DPP4: variants seen among roughly 807,000 people sequenced by gnomAD.
DPP4 encodes dipeptidyl peptidase 4.
A neutral mutation model predicts 122.4 loss-of-function variants in DPP4; 93 were observed. That is an observed-to-expected ratio of 0.76 (90% CI 0.64 to 0.90). The LOEUF (loss-of-function observed/expected upper bound fraction) is 0.90. Ranked by LOEUF, DPP4 falls within the 40% of genes least tolerant of loss-of-function variation. The pLI is 0.00. For missense variants in DPP4, 914 were observed against 907.3 expected, an observed-to-expected ratio of 1.01 and a Z score of -0.09; for synonymous variants, 321 against 302.9, an observed-to-expected ratio of 1.06 and a Z score of -0.62.
chr2:162,043,951 C>T (rs577650999), intron 5 of DPP4, among the ~76,000 whole-genome samples: 1 of 152,116 alleles, frequency 6.6e-6, no homozygotes, highest in East Asian at 1.9e-4. Flanking sequence ...TTAGTCAAGC[C>T]CAAAATGTTG....
At chr2:162,043,916 T>G (rs1018167390) in intron 5 of DPP4, among the ~76,000 whole-genome samples, 1 of 152,142 alleles carries the variant, frequency 6.6e-6, no homozygotes, top group African/African-American at 2.4e-5. Context: ...TAGTCTCAGC[T>G]ACTCAGGAGG....
intron 5 of DPP4, among the ~76,000 whole-genome samples, chr2:162,044,827 T>G (rs991647054): frequency 1.3e-4 from 20 of 152,276 alleles, no homozygotes; most frequent in African/African-American, 4.8e-4. Context: ...CTTTACGATC[T>G]GTGGTGAGGC....
intron 2 of DPP4, among the ~76,000 whole-genome samples, chr2:162,048,053 G>GT (rs1458151475): frequency 9.2e-5 from 14 of 152,106 alleles, no homozygotes; most frequent in African/African-American, 3.4e-4. Flanking sequence ...GACTACTGTA[G>GT]TGGATGGCCT....
At chr2:162,009,401 T>A (rs1386861576) in intron 20 of DPP4, 106 bp from the exon 21 acceptor site, 2 of 973,968 alleles carry the variant, frequency 2.1e-6, no homozygotes, top group Non-Finnish European at 3.2e-6. Context: ...CTTCATTCTA[T>A]TAGAGACTAA....
Position 161,993,397 on chromosome 2 carries a change from A to C in DPP4, c.2200-13T>G. 6.3e-7 allele frequency: 1 copy of C among 1,586,566 alleles called. No homozygotes were observed. The highest frequency in any genetic ancestry group is 8.6e-7 in the Non-Finnish European group (1 of 1,156,686). On this transcript the variant is annotated splice_polypyrimidine_tract_variant and intron_variant, in intron 25 of 25. Coordinates refer to ENST00000360534, the MANE Select transcript of DPP4 (RefSeq NM_001935.4). ...CATCAGTATACCACTAGAGAGAGAA[A>C]GAAAAGAAGTTAGAATTAGGAAGTC... is the stretch of plus-strand genomic sequence containing the variant.
intron 10 of DPP4, among the ~76,000 whole-genome samples, chr2:162,027,749 A>G (rs1221178526): frequency 6.6e-6 from 1 of 152,198 alleles, no homozygotes; most frequent in Non-Finnish European, 1.5e-5. Context: ...TTCAGAAATC[A>G]GCAATATAAA....
At chr2:162,045,810 G>T (rs1294144986) in intron 4 of DPP4, among the ~76,000 whole-genome samples, 198 bp from the exon 5 acceptor site, 1 of 152,192 alleles carries the variant, frequency 6.6e-6, no homozygotes, top group Non-Finnish European at 1.5e-5. Context: ...AAGCCAGAAA[G>T]GGAAGGATTA....
intron 23 of DPP4, among the ~76,000 whole-genome samples, chr2:162,002,485 T>TTGTTAGGA (rs1701175384): frequency 6.6e-6 from 1 of 152,196 alleles, no homozygotes; most frequent in Non-Finnish European, 1.5e-5. Context: ...TGTTACACAC[T>TTGTTAGGA]TTGGTCATTC....
chr2:161,993,241 A>G lies in DPP4; in HGVS notation c.*42T>C, dbSNP rs201337675. 6.8e-7 allele frequency: 1 copy of G among 1,468,354 alleles called. No homozygotes were observed. The highest frequency in any genetic ancestry group is 2.3e-5 in the East Asian group (1 of 44,088). The allele number at this position is 1,468,354 out of a possible 1,614,324, so 91.0% of individuals were successfully genotyped here. On this transcript the variant is annotated 3_prime_UTR_variant, in exon 26 of 26. Transcript: ENST00000360534. ...CAGTTTTGAGATAATGAAAACAAAAATGAGTTTTAATAAGCTTTAAATGGC... is the reference window on the plus strand; with the variant it reads ...CAGTTTTGAGATAATGAAAACAAAAGTGAGTTTTAATAAGCTTTAAATGGC...
intron 2 of DPP4, among the ~76,000 whole-genome samples, chr2:162,072,900 C>T (rs1685166484): frequency 6.6e-6 from 1 of 152,100 alleles, no homozygotes; most frequent in Non-Finnish European, 1.5e-5. Flanking sequence ...ATTCTCACCA[C>T]CCTTGAGGGA....
At chr2:162,020,132 A>C in intron 14 of DPP4, 97 bp downstream of exon 14, 4 of 1,006,746 alleles carry the variant, frequency 4.0e-6, no homozygotes, top group Non-Finnish European at 6.0e-6. Flanking sequence ...CAAAAAGACT[A>C]CTCTTTATTT....
intron 21 of DPP4, among the ~76,000 whole-genome samples, chr2:162,009,010 C>A (rs941014908): frequency 6.6e-6 from 1 of 152,096 alleles, no homozygotes; most frequent in Non-Finnish European, 1.5e-5. Context: ...CCTCTTCCCT[C>A]CCTCTTTCAC....
intron 2 of DPP4, among the ~76,000 whole-genome samples, chr2:162,058,877 C>G (rs1196372298): frequency 6.6e-6 from 1 of 152,174 alleles, no homozygotes; most frequent in Non-Finnish European, 1.5e-5. Flanking sequence ...GGACATTCCT[C>G]AAAATTGTGA....
chr2:162,022,690 T>C (rs372480558), intron 12 of DPP4, 65 bp downstream of exon 12: 35 of 1,499,890 alleles, frequency 2.3e-5, no homozygotes, highest in African/African-American at 2.8e-5. Flanking sequence ...TAGTTTTAAA[T>C]AGCTGCATAT....
intron 1 of DPP4, 101 bp from the exon 2 acceptor site, chr2:162,073,587 G>T: frequency 8.2e-7 from 1 of 1,221,824 alleles, no homozygotes; most frequent in East Asian, 2.4e-5. Context: ...TTTGCAGGTG[G>T]GAGTGCGTTA....
In DPP4 at chr2:162,041,021, T is replaced by G. The variant is rs142834110; in HGVS notation, c.367-1837A>C. 3.8e-3 allele frequency among the ~76,000 whole-genome samples: 580 copies of G among 152,178 alleles called. 2 individuals carry two copies. Among genetic ancestry groups the G allele is most frequent in the African/African-American group, 0.012 (496 of 41,544 alleles). Reference sequence around the variant, plus strand: ...TGCAATTTACAAAAAACTATAGGATTTTATTTTTATAGACCAAGCAATAAC... The same window carrying G: ...TGCAATTTACAAAAAACTATAGGATGTTATTTTTATAGACCAAGCAATAAC... On this transcript the variant is annotated intron_variant, in intron 5 of 25. Coordinates refer to ENST00000360534, the MANE Select transcript of DPP4 (RefSeq NM_001935.4).
At chr2:162,019,141 A>T in intron 15 of DPP4, 82 bp downstream of exon 15, 1 of 1,296,454 alleles carries the variant, frequency 7.7e-7, no homozygotes, top group East Asian at 2.3e-5. Flanking sequence ...ATTAGTTAGG[A>T]CAAGGCAAAA....
chr2:162,016,700 C>A (rs962544917), intron 18 of DPP4, 68 bp downstream of exon 18: 4 of 974,120 alleles, frequency 4.1e-6, no homozygotes, highest in South Asian at 4.2e-5. Flanking sequence ...ATTTTCAGAT[C>A]GAATTACTAT....
At chr2:162,040,628 G>C (rs1032604599) in intron 5 of DPP4, among the ~76,000 whole-genome samples, 2 of 151,828 alleles carry the variant, frequency 1.3e-5, no homozygotes, top group African/African-American at 4.8e-5. Context: ...TACTATAATG[G>C]TGAAACATGT....
Sources: gnomAD v4.1 joint callset for allele counts (sites outside exome capture counted in the v4.1 genomes callset) on GRCh38, gnomAD v4.1.1 for gene constraint, MANE v1.5 for transcripts, NCBI Gene and HGNC (gene_info 2026-07-23, HGNC 2026-07-21) for gene names.